Variants in PTPRD observed in about 807,000 individuals in gnomAD.
PTPRD encodes protein tyrosine phosphatase receptor type D.
A neutral mutation model predicts 214.5 loss-of-function variants in PTPRD; 34 were observed. That is an observed-to-expected ratio of 0.16 (90% CI 0.12 to 0.21). PTPRD has a LOEUF of 0.21. Ranked by LOEUF, PTPRD falls within the 10% of genes least tolerant of loss-of-function variation. PTPRD has a pLI of 1.00. For missense variants in PTPRD, 2,545 were observed against 2,398.7 expected, an observed-to-expected ratio of 1.06 and a Z score of -1.27; for synonymous variants, 1,128 against 845.7, an observed-to-expected ratio of 1.33 and a Z score of -5.79.
At chr9:8,438,026 C>G (rs1318674847) in intron 34 of PTPRD, among the ~76,000 whole-genome samples, 1 of 152,052 alleles carries the variant, frequency 6.6e-6, no homozygotes, top group Non-Finnish European at 1.5e-5. Flanking sequence ...CTAGCATGTC[C>G]CCAGGGAAGC....
intron 9 of PTPRD, among the ~76,000 whole-genome samples, chr9:9,245,007 A>G (rs1231500830): frequency 6.6e-6 from 1 of 152,212 alleles, no homozygotes; most frequent in Non-Finnish European, 1.5e-5. Flanking sequence ...AAAAGAAGAC[A>G]TTTATGCAGC....
intron 7 of PTPRD, among the ~76,000 whole-genome samples, chr9:9,602,074 C>T (rs993643344): frequency 6.6e-6 from 1 of 152,172 alleles, no homozygotes; most frequent in East Asian, 1.9e-4. Context: ...TTGATGGAAT[C>T]ATGTTCTAAA....
At chr9:8,983,595 A>C (rs961214165) in intron 11 of PTPRD, among the ~76,000 whole-genome samples, 2 of 151,728 alleles carry the variant, frequency 1.3e-5, no homozygotes, top group Non-Finnish European at 2.9e-5. Flanking sequence ...TGCAACCTTG[A>C]ACTTCTGGGC....
intron 11 of PTPRD, among the ~76,000 whole-genome samples, chr9:8,986,731 G>C (rs1377203028): frequency 1.3e-5 from 2 of 152,000 alleles, no homozygotes; most frequent in African/African-American, 2.4e-5. Context: ...AACTAGATTG[G>C]GAAGTGCCAG....
chr9:10,116,606 A>T (rs915109469), intron 3 of PTPRD, among the ~76,000 whole-genome samples: 4 of 152,082 alleles, frequency 2.6e-5, no homozygotes, highest in African/African-American at 9.7e-5. Context: ...ACACATTTTA[A>T]TTTTATGTAC....
intron 2 of PTPRD, among the ~76,000 whole-genome samples, chr9:10,449,999 G>C (rs1272725596): frequency 6.6e-6 from 1 of 151,624 alleles, no homozygotes; most frequent in African/African-American, 2.4e-5. Context: ...AATGGATTAA[G>C]GGCGGTGCAA....
intron 7 of PTPRD, among the ~76,000 whole-genome samples, chr9:9,720,598 T>C (rs989117640): frequency 5.9e-5 from 9 of 152,094 alleles, no homozygotes; most frequent in African/African-American, 2.2e-4. Context: ...TGAATCTAAA[T>C]CCCATGCAGG....
Position 9,806,968 on chromosome 9 carries a change from G to A in PTPRD, c.-367-40117C>T, listed in dbSNP as rs189106703. Among the ~76,000 whole-genome samples, 584 of 152,112 alleles carry A rather than the reference G, an allele frequency of 3.8e-3. 13 individuals are homozygous for A. Among genetic ancestry groups the A allele is most frequent in the Admixed American group, 0.033 (510 of 15,274 alleles). On this transcript the variant is annotated intron_variant, in intron 5 of 45. Coordinates refer to ENST00000381196, the MANE Select transcript of PTPRD (RefSeq NM_002839.4). ...AGCCCACTCCAAAGGAAGAACCTGGGGAAAAGAAATGCAAACCTCAGAACA... is the reference window on the plus strand; with the variant it reads ...AGCCCACTCCAAAGGAAGAACCTGGAGAAAAGAAATGCAAACCTCAGAACA...
chr9:10,253,680 C>T (rs149011534), intron 3 of PTPRD, among the ~76,000 whole-genome samples: 32 of 152,262 alleles, frequency 2.1e-4, no homozygotes, highest in African/African-American at 7.5e-4. Flanking sequence ...GTGGCATTTG[C>T]TTGGGTAGTA....
At chr9:9,801,105 T>A (rs2099036873) in intron 5 of PTPRD, among the ~76,000 whole-genome samples, 1 of 152,174 alleles carries the variant, frequency 6.6e-6, no homozygotes, top group Non-Finnish European at 1.5e-5. Context: ...AAAAGTCATC[T>A]TATATCAAAA....
chr9:10,584,328 G>C (rs2073173687), intron 2 of PTPRD, among the ~76,000 whole-genome samples: 3 of 152,162 alleles, frequency 2.0e-5, no homozygotes, highest in Admixed American at 2.0e-4. Flanking sequence ...CCACCAATGA[G>C]ATGCACTTGT....
At chr9:9,272,920 G>C (rs941535785) in intron 9 of PTPRD, among the ~76,000 whole-genome samples, 3 of 151,248 alleles carry the variant, frequency 2.0e-5, no homozygotes, top group African/African-American at 4.8e-5. Context: ...ATACAAGCTT[G>C]AGGTAATTTA....
chr9:9,065,230 G>T (rs2099724851), intron 10 of PTPRD, among the ~76,000 whole-genome samples: 1 of 152,190 alleles, frequency 6.6e-6, no homozygotes, highest in Non-Finnish European at 1.5e-5. Context: ...TAAGGATAGG[G>T]TGAAAAGGGG....
At chr9:9,429,984 A>G (rs2082447561) in intron 8 of PTPRD, among the ~76,000 whole-genome samples, 1 of 152,160 alleles carries the variant, frequency 6.6e-6, no homozygotes, top group African/African-American at 2.4e-5. Context: ...CCCTTTGAAA[A>G]CTGGCACAAG....
At chr9:10,428,998 G>T (rs2098651822) in intron 2 of PTPRD, among the ~76,000 whole-genome samples, 1 of 151,880 alleles carries the variant, frequency 6.6e-6, no homozygotes, top group African/African-American at 2.4e-5. Flanking sequence ...GGCAATGTCT[G>T]GGGCATAGTA....
chr9:9,810,392 T>G (rs1472602078), intron 5 of PTPRD, among the ~76,000 whole-genome samples: 1 of 152,064 alleles, frequency 6.6e-6, no homozygotes, highest in South Asian at 2.1e-4. Context: ...TTCAAAGGAC[T>G]GGTTTACTCT....
intron 6 of PTPRD, among the ~76,000 whole-genome samples, chr9:9,764,448 C>T (rs1482966913): frequency 5.3e-5 from 8 of 151,900 alleles, no homozygotes; most frequent in South Asian, 2.1e-4. Context: ...GAAAAGAGTG[C>T]CCACCTAAAA....
intron 8 of PTPRD, among the ~76,000 whole-genome samples, chr9:9,515,542 G>A (rs972346828): frequency 6.6e-6 from 1 of 151,954 alleles, no homozygotes; most frequent in African/African-American, 2.4e-5. Context: ...GAATGGTGGA[G>A]ATGGAAAAAT....
intron 3 of PTPRD, among the ~76,000 whole-genome samples, chr9:10,105,587 C>A (rs72694864): frequency 6.6e-6 from 1 of 151,890 alleles, no homozygotes; most frequent in Non-Finnish European, 1.5e-5. Context: ...CTCTGTGATT[C>A]TAACAATTGG....
Sources: allele counts gnomAD v4.1 joint callset (sites outside exome capture counted in the v4.1 genomes callset), GRCh38; gene constraint gnomAD v4.1.1; transcripts MANE v1.5; gene names NCBI Gene and HGNC (gene_info 2026-07-23, HGNC 2026-07-21).